The following NRXN3 variants were observed in gnomAD, a reference collection of about 807,000 sequenced individuals.
NRXN3 encodes the protein neurexin 3.
Under a neutral mutation model 137.6 loss-of-function variants are expected in NRXN3, and 32 were observed. The observed-to-expected ratio is 0.23, with a 90% CI of 0.18 to 0.31. The LOEUF is 0.31. NRXN3 is among the 10% of genes least tolerant of loss of function. The probability of loss-of-function intolerance (pLI) is 1.00; values close to 1 mark genes in which losing one functional copy is unlikely to be tolerated. For synonymous variants in NRXN3, 798 were observed against 784.5 expected (o/e 1.02, Z -0.29); for missense variants, 1,574 against 2,062.5 (o/e 0.76, Z 4.59).
intron 16 of NRXN3, among the ~76,000 whole-genome samples, chr14:79,537,435 T>A (rs1281471524): frequency 6.6e-6 from 1 of 151,982 alleles, no homozygotes; most frequent in Non-Finnish European, 1.5e-5. Flanking sequence ...ATGCTATCCC[T>A]CCCCCTCCCT....
intron 1 of NRXN3, among the ~76,000 whole-genome samples, chr14:78,233,224 T>C (rs139314502): frequency 8.5e-5 from 13 of 152,304 alleles, no homozygotes; most frequent in African/African-American, 3.1e-4. Context: ...TCCCAATTTA[T>C]AGGAGAAGAA....
intron 14 of NRXN3, among the ~76,000 whole-genome samples, chr14:78,969,833 G>GTGTGTA (rs1555627279): frequency 1.3e-5 from 2 of 151,516 alleles, no homozygotes; most frequent in Non-Finnish European, 2.9e-5. Context: ...GTGTGTGTGT[G>GTGTGTA]TGTGTGTGTG....
intron 4 of NRXN3, among the ~76,000 whole-genome samples, chr14:78,555,847 A>G (rs2096732354): frequency 6.6e-6 from 1 of 152,202 alleles, no homozygotes; most frequent in Non-Finnish European, 1.5e-5. Context: ...TGTGTCCTAG[A>G]AGAAGAAAAC....
chr14:79,089,074 CCTT>C (rs906597460), intron 15 of NRXN3, among the ~76,000 whole-genome samples: 3 of 151,998 alleles, frequency 2.0e-5, no homozygotes, highest in African/African-American at 7.2e-5. Flanking sequence ...GAATTCAACT[CCTT>C]CTTGAGCTTC....
At chr14:79,504,611 G>A (rs1185315005) in intron 16 of NRXN3, among the ~76,000 whole-genome samples, 1 of 130,030 alleles carries the variant, frequency 7.7e-6, no homozygotes, top group African/African-American at 3.1e-5. Context: ...TAACTTCTTT[G>A]TATAAACTTC....
intron 4 of NRXN3, among the ~76,000 whole-genome samples, chr14:78,632,406 C>T (rs2097530300): frequency 6.6e-6 from 1 of 151,638 alleles, no homozygotes; most frequent in African/African-American, 2.4e-5. Flanking sequence ...GCTATGCAAA[C>T]GTGTATTTTT....
At chr14:78,973,833 A>G (rs1039288554) in intron 14 of NRXN3, among the ~76,000 whole-genome samples, 3 of 152,154 alleles carry the variant, frequency 2.0e-5, no homozygotes, top group Admixed American at 6.5e-5. Context: ...AGTCAGTCCA[A>G]ATTGTTAGAA....
chr14:79,761,760 T>A (rs1258376216), intron 19 of NRXN3, among the ~76,000 whole-genome samples: 1 of 150,488 alleles, frequency 6.6e-6, no homozygotes, highest in Non-Finnish European at 1.5e-5. Flanking sequence ...CAGTTTTGAA[T>A]CAAATAATTT....
chr14:78,810,848 G>A (rs1043950445), intron 10 of NRXN3, among the ~76,000 whole-genome samples: 2 of 152,182 alleles, frequency 1.3e-5, no homozygotes, highest in Admixed American at 1.3e-4. Flanking sequence ...TGCTATTGGT[G>A]ATAAGGCAAC....
chr14:78,920,935 CT>C (rs2099269340), intron 10 of NRXN3, among the ~76,000 whole-genome samples: 2 of 152,300 alleles, frequency 1.3e-5, no homozygotes, highest in Admixed American at 1.3e-4. Flanking sequence ...CAAACCCCAT[CT>C]TTTAGAGTTT....
At chr14:79,394,757 C>G (rs1180731900) in intron 15 of NRXN3, among the ~76,000 whole-genome samples, 1 of 152,134 alleles carries the variant, frequency 6.6e-6, no homozygotes, top group East Asian at 1.9e-4. Context: ...CCAGGGGAGT[C>G]AGCCTTTTGA....
chr14:78,707,325 A>G (rs2098362030), intron 6 of NRXN3, among the ~76,000 whole-genome samples: 1 of 152,190 alleles, frequency 6.6e-6, no homozygotes, highest in South Asian at 2.1e-4. Context: ...AAATAGGAAA[A>G]TAGTTGGGAC....
At chr14:79,471,738 G>A (rs1277949178) in intron 16 of NRXN3, among the ~76,000 whole-genome samples, 1 of 152,088 alleles carries the variant, frequency 6.6e-6, no homozygotes. Flanking sequence ...GGGAAAACTT[G>A]GGCAAAATGA....
At chr14:78,718,014 T>C (rs1037923243) in intron 8 of NRXN3, among the ~76,000 whole-genome samples, 5 of 152,156 alleles carry the variant, frequency 3.3e-5, no homozygotes, top group African/African-American at 9.6e-5. Context: ...TAGGCACTTC[T>C]GAAGAAGAAT....
chr14:78,813,410 G>T (rs1301383361), intron 10 of NRXN3, among the ~76,000 whole-genome samples: 1 of 152,114 alleles, frequency 6.6e-6, no homozygotes, highest in Non-Finnish European at 1.5e-5. Flanking sequence ...GAGAGTATTT[G>T]CACCCTGGGT....
chr14:79,094,979 A>AGAGAGAGAGAGAGAGAGAGTGTGT (rs553957969), intron 15 of NRXN3, among the ~76,000 whole-genome samples: 6 of 115,880 alleles, frequency 5.2e-5, no homozygotes, highest in Non-Finnish European at 7.0e-5. Flanking sequence ...AGAGAGAGAG[A>AGAGAGAGAGAGAGAGAGAGTGTGT]GTGTGTGTGT....
rs1017871573 is a variant in NRXN3 at position 79,259,928 on chromosome 14, T to G, written c.3263-207293T>G. On this transcript the variant is annotated intron_variant, in intron 15 of 20. Coordinates refer to ENST00000335750, the MANE Select transcript of NRXN3 (RefSeq NM_001330195.2). The stretch of plus-strand genomic sequence containing the variant: ...TCAATCTAATTTCTCCTATTCTGTC[T>G]CCCCCACCTTTCCTTTTACCGTCCA... Among the ~76,000 whole-genome samples the G allele has an allele frequency of 3.9e-5, 6 of 152,130 alleles. No homozygotes were observed. In the South Asian group the frequency reaches 8.3e-4, roughly 21 times the overall value.
chr14:79,170,984 A>T (rs544485843), intron 15 of NRXN3, among the ~76,000 whole-genome samples: 2 of 152,052 alleles, frequency 1.3e-5, no homozygotes, highest in African/African-American at 4.8e-5. Flanking sequence ...CTCCTTTAGT[A>T]TGTCTCAGCG....
intron 15 of NRXN3, among the ~76,000 whole-genome samples, chr14:79,385,806 C>T (rs967312343): frequency 1.6e-4 from 25 of 152,016 alleles, no homozygotes; most frequent in African/African-American, 3.9e-4. Context: ...TAAACATACG[C>T]GAATCAATAA....
Sources: gnomAD v4.1 joint callset for allele counts (sites outside exome capture counted in the v4.1 genomes callset) on GRCh38, gnomAD v4.1.1 for gene constraint, MANE v1.5 for transcripts, NCBI Gene and HGNC (gene_info 2026-07-23, HGNC 2026-07-21) for gene names.